Variants in MACROD2 observed in about 807,000 individuals in gnomAD.
MACROD2 encodes the protein ADP-ribose glycohydrolase MACROD2.
Under a neutral mutation model 70.4 loss-of-function variants are expected in MACROD2, and 36 were observed. The ratio of observed to expected loss-of-function variants is 0.51; its 90% confidence interval spans 0.39 to 0.68. The LOEUF (loss-of-function observed/expected upper bound fraction) is 0.68. Among genes scored for constraint, MACROD2 ranks in the 30% least tolerant of loss-of-function variants. The pLI is 0.00. For synonymous variants in MACROD2, 172 were observed against 178.8 expected (o/e 0.96, Z 0.30); for missense variants, 496 against 538.4 (o/e 0.92, Z 0.78).
At chr20:15,259,443 T>C (rs962772334) in intron 6 of MACROD2, among the ~76,000 whole-genome samples, 3 of 152,022 alleles carry the variant, frequency 2.0e-5, no homozygotes, top group African/African-American at 4.8e-5. Context: ...GTAACAGATA[T>C]AGCACTGTGA....
intron 5 of MACROD2, among the ~76,000 whole-genome samples, chr20:14,978,629 C>A (rs1292776116): frequency 2.0e-5 from 3 of 146,480 alleles, no homozygotes; most frequent in Admixed American, 6.9e-5. Flanking sequence ...CCAACCCCCC[C>A]ACCCCACCCC....
At chr20:16,001,085 T>C (rs1392548827) in intron 15 of MACROD2, among the ~76,000 whole-genome samples, 1 of 152,200 alleles carries the variant, frequency 6.6e-6, no homozygotes, top group Non-Finnish European at 1.5e-5. Flanking sequence ...GATATATCCA[T>C]TTTGATTTGG....
At chr20:15,255,148 A>T (rs1457371819) in intron 6 of MACROD2, among the ~76,000 whole-genome samples, 1 of 152,026 alleles carries the variant, frequency 6.6e-6, no homozygotes, top group Non-Finnish European at 1.5e-5. Context: ...TAAACAGATT[A>T]TATTGAACCT....
At chr20:14,711,050 A>G (rs1446707138) in intron 5 of MACROD2, among the ~76,000 whole-genome samples, 3 of 152,178 alleles carry the variant, frequency 2.0e-5, no homozygotes, top group Non-Finnish European at 2.9e-5. Context: ...GAGAACATGC[A>G]ATCATTTTTA....
chr20:15,513,757 G>C (rs546234233), intron 8 of MACROD2, among the ~76,000 whole-genome samples: 1 of 152,096 alleles, frequency 6.6e-6, no homozygotes, highest in Non-Finnish European at 1.5e-5. Context: ...TAATACCCCA[G>C]GGTAACTGGA....
At chr20:14,427,925 G>A (rs1568607484) in intron 3 of MACROD2, among the ~76,000 whole-genome samples, 1 of 152,058 alleles carries the variant, frequency 6.6e-6, no homozygotes, top group Non-Finnish European at 1.5e-5. Flanking sequence ...ATGGTATTGT[G>A]TAAATGTTCT....
chr20:14,889,931 A>C (rs1486593125), intron 5 of MACROD2, among the ~76,000 whole-genome samples: 2 of 152,166 alleles, frequency 1.3e-5, no homozygotes, highest in African/African-American at 4.8e-5. Context: ...ACAGTAGCCT[A>C]CTGCAATAAT....
intron 2 of MACROD2, among the ~76,000 whole-genome samples, chr20:14,070,385 A>AT (rs1352218172): frequency 6.6e-6 from 1 of 151,872 alleles, no homozygotes; most frequent in Non-Finnish European, 1.5e-5. Context: ...AGGTGTGGAG[A>AT]TTGACTGGCT....
At chr20:14,554,308 G>A (rs1978874832) in intron 4 of MACROD2, 1 of 152,072 alleles carries the variant, frequency 6.6e-6, no homozygotes, top group Non-Finnish European at 1.5e-5. Flanking sequence ...TGAAGGGCGT[G>A]GTCAGGCTAG....
At chr20:15,078,749 C>T (rs1327863863) in intron 5 of MACROD2, among the ~76,000 whole-genome samples, 1 of 150,560 alleles carries the variant, frequency 6.6e-6, no homozygotes, top group Non-Finnish European at 1.5e-5. Context: ...TGGGTTCAAG[C>T]GATTCTCCTG....
chr20:15,952,921 A>G (rs1233392095), intron 12 of MACROD2, among the ~76,000 whole-genome samples: 2 of 152,154 alleles, frequency 1.3e-5, no homozygotes, highest in Non-Finnish European at 2.9e-5. Flanking sequence ...TCTGATCTCA[A>G]AAGAATAGTT....
chr20:14,641,093 A>G (rs1313215153), intron 4 of MACROD2, among the ~76,000 whole-genome samples: 4 of 152,198 alleles, frequency 2.6e-5, no homozygotes, highest in Non-Finnish European at 5.9e-5. Context: ...TTTGTCAACT[A>G]AGTTTATGTA....
chr20:15,602,063 A>G (rs976718401), intron 8 of MACROD2, among the ~76,000 whole-genome samples: 8 of 152,120 alleles, frequency 5.3e-5, no homozygotes, highest in African/African-American at 1.7e-4. Flanking sequence ...TCGATTCTTC[A>G]GTCATTACTG....
intron 8 of MACROD2, among the ~76,000 whole-genome samples, chr20:15,572,808 C>T (rs1403829054): frequency 6.6e-6 from 1 of 152,044 alleles, no homozygotes; most frequent in Admixed American, 6.6e-5. Flanking sequence ...AGCATATTAT[C>T]AAAGTGACAT....
intron 8 of MACROD2, among the ~76,000 whole-genome samples, chr20:15,801,582 C>T (rs1476267668): frequency 1.3e-5 from 2 of 151,864 alleles, no homozygotes; most frequent in Admixed American, 6.5e-5. Context: ...ATACCAGTAC[C>T]ATGGTGTTTG....
intron 3 of MACROD2, among the ~76,000 whole-genome samples, chr20:14,415,703 A>G (rs2083796209): frequency 1.3e-5 from 2 of 152,202 alleles, no homozygotes. Flanking sequence ...GAGCACACAT[A>G]ATTGTGGTGA....
At chr20:14,934,711 C>T (rs1325025138) in intron 5 of MACROD2, among the ~76,000 whole-genome samples, 1 of 152,122 alleles carries the variant, frequency 6.6e-6, no homozygotes, top group Non-Finnish European at 1.5e-5. Flanking sequence ...TGCTTGAACT[C>T]AGGAGGTGGA....
chr20:14,535,465 A>G (rs2085352047), intron 4 of MACROD2, among the ~76,000 whole-genome samples: 1 of 137,460 alleles, frequency 7.3e-6, no homozygotes, highest in Non-Finnish European at 1.5e-5. Flanking sequence ...AGATGGCGCC[A>G]TTGTACTCCA....
chr20:15,061,248 T>C (rs1434898225), intron 5 of MACROD2, among the ~76,000 whole-genome samples: 1 of 152,164 alleles, frequency 6.6e-6, no homozygotes, highest in Non-Finnish European at 1.5e-5. Context: ...CACCTGTAAA[T>C]GCTGCCTCCT....
Sources: allele counts gnomAD v4.1 joint callset (sites outside exome capture counted in the v4.1 genomes callset), GRCh38; gene constraint gnomAD v4.1.1; transcripts MANE v1.5; gene names NCBI Gene and HGNC (gene_info 2026-07-23, HGNC 2026-07-21).